Variants in DENND4C observed in about 807,000 individuals in gnomAD.
DENND4C encodes DENN domain-containing protein 4C.
Under a neutral mutation model 203.0 loss-of-function variants are expected in DENND4C, and 108 were observed. The ratio of observed to expected loss-of-function variants is 0.53; its 90% CI spans 0.46 to 0.62. The LOEUF is 0.62. Among genes scored for constraint, DENND4C ranks in the 20% least tolerant of loss-of-function variants. The pLI is 0.00. For synonymous variants in DENND4C, 871 were observed against 792.4 expected (o/e 1.10, Z -1.67); for missense variants, 2,481 against 2,301.2 (o/e 1.08, Z -1.60).
Position 19,336,389 on chromosome 9 carries a change from A to G in DENND4C, c.2709A>G (p.Gln903=), listed in dbSNP as rs757225517. 10 of 1,613,876 alleles carry G rather than the reference A, an allele frequency of 6.2e-6. No individual in the cohort carries two copies. Among genetic ancestry groups the G allele is most frequent in the Admixed American group, 1.7e-5 (1 of 59,952 alleles). ...QFRQPLKKTV[Q]RSQVSSISAL... is the part of the protein sequence containing the mutation. Reference sequence around the variant, plus strand: ...GGCAGCCGCTTAAAAAGACTGTGCAAAGGTCACAGGTCTCCTCAATATCAG... The same window carrying G: ...GGCAGCCGCTTAAAAAGACTGTGCAGAGGTCACAGGTCTCCTCAATATCAG... Residue 903 remains glutamine, a synonymous_variant, in exon 19 of 33, where the codon CAA becomes CAG. Transcript: ENST00000434457.
At chr9:19,277,810 ATC>A (rs1427888555) in intron 2 of DENND4C, among the ~76,000 whole-genome samples, 1 of 152,206 alleles carries the variant, frequency 6.6e-6, no homozygotes, top group Non-Finnish European at 1.5e-5. Flanking sequence ...AATACCATTT[ATC>A]ATGTTGAGGA....
chr9:19,311,792 G>T (rs1490516209), intron 10 of DENND4C, among the ~76,000 whole-genome samples: 2 of 152,122 alleles, frequency 1.3e-5, no homozygotes, highest in African/African-American at 4.8e-5. Context: ...GCTATTTGAG[G>T]ATGATGGGAA....
chr9:19,265,162 A>G lies in DENND4C; in HGVS notation c.-17-10996A>G, dbSNP rs957469445. Among the ~76,000 whole-genome samples the G allele has an allele frequency of 5.9e-5, 9 of 152,020 alleles. No homozygotes were observed. The East Asian group carries it at 1.7e-3, about 29-fold the overall frequency. On this transcript the variant is annotated intron_variant, in intron 1 of 32. Coordinates refer to ENST00000434457, the MANE Select transcript of DENND4C (RefSeq NM_001330640.2). Reference sequence around the variant, plus strand: ...CCTAAATAGCTGGAACTACAGGTTTACACCACCAGGCCTGGCTAAGTTACT... The same window carrying G: ...CCTAAATAGCTGGAACTACAGGTTTGCACCACCAGGCCTGGCTAAGTTACT...
chr9:19,249,438 T>A (rs767752660), intron 1 of DENND4C, among the ~76,000 whole-genome samples: 5 of 151,770 alleles, frequency 3.3e-5, no homozygotes, highest in Non-Finnish European at 7.4e-5. Context: ...GTATTTTTAG[T>A]AGAGACAGGG....
At position 19,346,783 on chromosome 9, in the gene DENND4C, A is replaced by G; in HGVS notation, c.4014A>G (p.Glu1338=). The change falls in exon 23 of 33, where the codon GAA becomes GAG. Residue 1338 remains glutamate, a synonymous_variant. Transcript: ENST00000434457. ...LPLDHGSPAQ[E]NPESEKSSPA... Reference sequence around the variant, plus strand: ...TAGATCATGGTTCACCAGCACAGGAAAATCCTGAAAGTGAAAAGAGCTCAC... The same window carrying G: ...TAGATCATGGTTCACCAGCACAGGAGAATCCTGAAAGTGAAAAGAGCTCAC... 1 of 1,614,194 alleles carries G rather than the reference A, an allele frequency of 6.2e-7. No individual in the cohort carries two copies. The highest frequency in any genetic ancestry group is 8.5e-7 in the Non-Finnish European group (1 of 1,180,038).
intron 23 of DENND4C, 23 bp from the exon 24 acceptor site, chr9:19,350,679 G>T (rs1190011448): frequency 6.3e-7 from 1 of 1,588,948 alleles, no homozygotes. Flanking sequence ...TATGTATGTG[G>T]AATTTTTTTT....
chr9:19,364,706 A>T (rs1041835402), intron 30 of DENND4C, among the ~76,000 whole-genome samples: 7 of 152,160 alleles, frequency 4.6e-5, no homozygotes, highest in Admixed American at 3.9e-4. Context: ...CAGCCTGGCC[A>T]ACATGATAAA....
chr9:19,322,743 A>AAT (rs1253390627), intron 12 of DENND4C, among the ~76,000 whole-genome samples: 5 of 151,838 alleles, frequency 3.3e-5, no homozygotes, highest in African/African-American at 1.2e-4. Flanking sequence ...AAAAAAAAAA[A>AAT]AAAAAAAATA....
At chr9:19,353,945 G>T (rs1824769208) in intron 26 of DENND4C, among the ~76,000 whole-genome samples, 1 of 152,098 alleles carries the variant, frequency 6.6e-6, no homozygotes, top group Non-Finnish European at 1.5e-5. Flanking sequence ...AGCTTCAAGG[G>T]TGGAGCTAAG....
intron 10 of DENND4C, 30 bp downstream of exon 10, chr9:19,305,557 A>G (rs1472954993): frequency 1.3e-6 from 2 of 1,584,796 alleles, no homozygotes; most frequent in Non-Finnish European, 1.7e-6. Context: ...ATTATCTCCC[A>G]TTTATATTTT....
chr9:19,314,537 AC>A (rs1347268341), intron 10 of DENND4C, among the ~76,000 whole-genome samples: 1 of 152,142 alleles, frequency 6.6e-6, no homozygotes, highest in Non-Finnish European at 1.5e-5. Context: ...GTAACCAGAC[AC>A]CACCTGTTCC....
At chr9:19,282,647 T>G (rs974883564) in intron 2 of DENND4C, among the ~76,000 whole-genome samples, 8 of 151,674 alleles carry the variant, frequency 5.3e-5, no homozygotes, top group Admixed American at 2.0e-4. Flanking sequence ...CTCAGCCTGC[T>G]GAATAGCTGG....
chr9:19,346,398 G>A lies in DENND4C; in HGVS notation c.3629G>A (p.Ser1210Asn), dbSNP rs1194692236. 6.2e-7 allele frequency: 1 copy of A among 1,614,126 alleles called. No homozygotes were observed. Among genetic ancestry groups the A allele is most frequent in the Middle Eastern group, 1.6e-4 (1 of 6,062 alleles). Reference protein sequence around the residue: ...ATVDTYESLLSDSNSNQSRDL... With the variant: ...ATVDTYESLLNDSNSNQSRDL... ...GTAGATACATATGAGAGTCTACTAAGTGATAGTAACAGTAATCAGTCCAGA... is the reference window on the plus strand; with the variant it reads ...GTAGATACATATGAGAGTCTACTAAATGATAGTAACAGTAATCAGTCCAGA... Residue 1210 changes from serine (S) to asparagine (N), a missense_variant, in exon 23 of 33, where the codon AGT (serine) becomes AAT (asparagine). By Grantham distance (46) the Ser-to-Asn change is conservative. This residue lies in a region of DENND4C where 2,289 missense variants were observed against 2,113.3 expected (regional missense o/e 1.08). Coordinates refer to ENST00000434457, the MANE Select transcript of DENND4C (RefSeq NM_001330640.2).
chr9:19,360,547 A>G (rs979282925), intron 29 of DENND4C, 58 bp downstream of exon 29: 6 of 1,596,514 alleles, frequency 3.8e-6, no homozygotes, highest in South Asian at 2.2e-5. Flanking sequence ...CTTAACTTCA[A>G]GGTCCTGAAA....
At chr9:19,326,790 A>C (rs1817926848) in intron 15 of DENND4C, among the ~76,000 whole-genome samples, 1 of 152,120 alleles carries the variant, frequency 6.6e-6, no homozygotes, top group Admixed American at 6.5e-5. Context: ...GTATGAGTTC[A>C]TCAGGTAGAT....
At chr9:19,291,200 G>A (rs1251858918) in intron 5 of DENND4C, 1 of 186,448 alleles carries the variant, frequency 5.4e-6, no homozygotes, top group Non-Finnish European at 1.1e-5. Flanking sequence ...AGCAGGGTTA[G>A]ACCCTCAAGA....
chr9:19,270,286 C>T (rs1029216627), intron 1 of DENND4C, among the ~76,000 whole-genome samples: 12 of 152,094 alleles, frequency 7.9e-5, no homozygotes, highest in African/African-American at 2.9e-4. Flanking sequence ...TATTCAAGGC[C>T]CAAGGGCTCT....
intron 19 of DENND4C, 88 bp downstream of exon 19, chr9:19,336,502 T>TA (rs368482605): frequency 2.6e-5 from 39 of 1,473,656 alleles, no homozygotes; most frequent in Middle Eastern, 2.1e-4. Context: ...GTAGAAAACT[T>TA]AAATTCCGGT....
Position 19,374,045 on chromosome 9 carries a change from T to C in DENND4C, c.*1872T>C, listed in dbSNP as rs530537633. On this transcript the variant is annotated 3_prime_UTR_variant, in exon 33 of 33. Transcript: ENST00000434457. The stretch of plus-strand genomic sequence containing the variant: ...GCAACTCAAGACTTGGTACTAGTTT[T>C]AATACTTAACACTTACTGACCCAAC... Among the ~76,000 whole-genome samples, 4 of 152,346 alleles carry C rather than the reference T, an allele frequency of 2.6e-5. No individual in the cohort carries two copies. The highest frequency in any genetic ancestry group is 9.6e-5 in the African/African-American group (4 of 41,588).
Sources: gnomAD v4.1 joint callset for allele counts (sites outside exome capture counted in the v4.1 genomes callset) on GRCh38, gnomAD v4.1.1 for gene constraint, gnomAD v4.1.1 regional missense constraint, MANE v1.5 for transcripts, NCBI Gene and HGNC (gene_info 2026-07-23, HGNC 2026-07-21) for gene names.